SHISA9: variants seen among roughly 807,000 people sequenced by gnomAD.
SHISA9 encodes protein shisa-9.
Under a neutral mutation model 38.0 loss-of-function variants are expected in SHISA9, and 13 were observed. The observed-to-expected ratio is 0.34, with a 90% confidence interval of 0.22 to 0.54. The LOEUF is 0.54. SHISA9 is among the 20% of genes least tolerant of loss of function. SHISA9 has a pLI of 0.91. For synonymous variants in SHISA9, 275 were observed against 242.0 expected (o/e 1.14, Z -1.27); for missense variants, 538 against 575.8 (o/e 0.93, Z 0.67).
chr16:13,032,518 A>T (rs964461679), intron 2 of SHISA9, among the ~76,000 whole-genome samples: 2 of 152,080 alleles, frequency 1.3e-5, no homozygotes, highest in Non-Finnish European at 2.9e-5. Flanking sequence ...CCCTAACCTC[A>T]TTTCCCCATA....
At chr16:12,975,856 G>T (rs887707709) in intron 2 of SHISA9, among the ~76,000 whole-genome samples, 1 of 151,388 alleles carries the variant, frequency 6.6e-6, no homozygotes, top group African/African-American at 2.4e-5. Context: ...AAGGATAATA[G>T]CTTCATTTAT....
chr16:13,488,612 G>A, the SHISA9 span, among the ~76,000 whole-genome samples: 3 of 152,168 alleles, frequency 2.0e-5, no homozygotes, highest in East Asian at 5.8e-4. Flanking sequence ...ATGCTGTACA[G>A]ATTTGTAGTC....
chr16:13,403,536 C>T, the SHISA9 span, among the ~76,000 whole-genome samples: 121 of 152,304 alleles, frequency 7.9e-4, no homozygotes, highest in African/African-American at 2.7e-3. Context: ...AATGTTATCC[C>T]TAATCTCTAT....
intron 2 of SHISA9, among the ~76,000 whole-genome samples, chr16:13,198,654 G>A (rs1412874701): frequency 6.6e-6 from 1 of 152,120 alleles, no homozygotes; most frequent in Non-Finnish European, 1.5e-5. Flanking sequence ...GCCAGGTCTG[G>A]TCTCTATCTT....
the SHISA9 span, among the ~76,000 whole-genome samples, chr16:13,440,659 C>T: frequency 6.6e-6 from 1 of 152,232 alleles, no homozygotes; most frequent in South Asian, 2.1e-4. Flanking sequence ...CCGGGTGCGG[C>T]GGCTCACGAC....
chr16:13,416,129 G>GA, the SHISA9 span, among the ~76,000 whole-genome samples: 151 of 151,714 alleles, frequency 1.0e-3, no homozygotes, highest in African/African-American at 3.4e-3. Flanking sequence ...TATTCTACAT[G>GA]AAAAAAAACC....
At chr16:13,372,465 G>T in the SHISA9 span, among the ~76,000 whole-genome samples, 2 of 152,250 alleles carry the variant, frequency 1.3e-5, no homozygotes, top group East Asian at 1.9e-4. Flanking sequence ...ATTGCAACTT[G>T]CCCTAAAGCA....
At position 12,916,117 on chromosome 16, in the gene SHISA9, C is replaced by T. The variant is rs145333525; in HGVS notation, c.564-571C>T. 4.9e-3 allele frequency among the ~76,000 whole-genome samples: 729 copies of T among 149,408 alleles called. 25 individuals carry two copies. The highest frequency in any genetic ancestry group is 0.044 in the Admixed American group (657 of 14,808). On this transcript the variant is annotated intron_variant, in intron 1 of 4. Transcript: ENST00000558583. ...TGCACACTCCAAAAATACTCAGGCT[C>T]AAATTCTTGTGCCACAACTTACTGG... is the stretch of plus-strand genomic sequence containing the variant.
At chr16:13,307,082 C>G in the SHISA9 span, among the ~76,000 whole-genome samples, 1 of 152,196 alleles carries the variant, frequency 6.6e-6, no homozygotes. Flanking sequence ...TAGACTCAGG[C>G]TGGTTTGAGT....
intron 2 of SHISA9, among the ~76,000 whole-genome samples, chr16:12,995,840 G>C (rs1053393691): frequency 6.6e-6 from 1 of 152,158 alleles, no homozygotes; most frequent in African/African-American, 2.4e-5. Flanking sequence ...GTCAAGATGC[G>C]TGTACGAAAG....
chr16:13,377,873 C>CAA, the SHISA9 span, among the ~76,000 whole-genome samples: 78 of 149,802 alleles, frequency 5.2e-4, no homozygotes, highest in African/African-American at 1.6e-3. Flanking sequence ...ACTAAAAATA[C>CAA]AAAAAAAAAA....
intron 2 of SHISA9, among the ~76,000 whole-genome samples, chr16:13,168,247 T>A (rs957788556): frequency 6.6e-6 from 1 of 152,220 alleles, no homozygotes; most frequent in African/African-American, 2.4e-5. Flanking sequence ...TGATTAAGAT[T>A]TAGCTCAGTT....
At chr16:13,296,311 T>A in the SHISA9 span, among the ~76,000 whole-genome samples, 1 of 152,102 alleles carries the variant, frequency 6.6e-6, no homozygotes, top group Non-Finnish European at 1.5e-5. Context: ...AGTGGTTACA[T>A]CCTCAAGTTA....
chr16:13,017,702 G>T (rs1487237299), intron 2 of SHISA9, among the ~76,000 whole-genome samples: 1 of 152,144 alleles, frequency 6.6e-6, no homozygotes, highest in African/African-American at 2.4e-5. Flanking sequence ...AAGAAAAACT[G>T]AGGTTTAGAA....
the SHISA9 span, among the ~76,000 whole-genome samples, chr16:13,294,574 G>A: frequency 6.6e-6 from 1 of 152,174 alleles, no homozygotes; most frequent in Admixed American, 6.5e-5. Flanking sequence ...CCACATCAGG[G>A]GAAAGAAATA....
chr16:13,319,477 GT>G, the SHISA9 span, among the ~76,000 whole-genome samples: 1 of 152,190 alleles, frequency 6.6e-6, no homozygotes, highest in African/African-American at 2.4e-5. Context: ...AGACGATAAT[GT>G]TTTATCGCAC....
At chr16:12,920,626 C>T (rs2071315789) in intron 2 of SHISA9, among the ~76,000 whole-genome samples, 1 of 152,116 alleles carries the variant, frequency 6.6e-6, no homozygotes, top group Non-Finnish European at 1.5e-5. Context: ...ATATATACAC[C>T]TACTATGTAC....
At chr16:13,355,604 G>A in the SHISA9 span, among the ~76,000 whole-genome samples, 1 of 152,126 alleles carries the variant, frequency 6.6e-6, no homozygotes, top group Non-Finnish European at 1.5e-5. Context: ...TGTCTAAGTT[G>A]GCACCAGAGT....
chr16:13,418,876 C>G, the SHISA9 span, among the ~76,000 whole-genome samples: 1 of 152,200 alleles, frequency 6.6e-6, no homozygotes, highest in Non-Finnish European at 1.5e-5. Context: ...CAGTGCAGGA[C>G]AAGAACAGCA....
Sources: gnomAD v4.1 joint callset for allele counts (sites outside exome capture counted in the v4.1 genomes callset) on GRCh38, gnomAD v4.1.1 for gene constraint, MANE v1.5 for transcripts, NCBI Gene and HGNC (gene_info 2026-07-23, HGNC 2026-07-21) for gene names.